The following SLC26A8 variants were observed in gnomAD, a reference collection of about 807,000 sequenced individuals.
The protein encoded by SLC26A8 is testis anion transporter 1.
A neutral mutation model predicts 105.0 loss-of-function variants in SLC26A8; 70 were observed. The observed-to-expected ratio is 0.67, with a 90% CI of 0.55 to 0.81. The LOEUF (loss-of-function observed/expected upper bound fraction) is 0.81. Among genes scored for constraint, SLC26A8 ranks in the 40% least tolerant of loss-of-function variants. The pLI, the probability that SLC26A8 is intolerant of heterozygous loss-of-function variation, is 0.00. For synonymous variants in SLC26A8, 415 were observed against 438.3 expected (o/e 0.95, Z 0.66); for missense variants, 998 against 1,181.8 (o/e 0.84, Z 2.28).
chr6:35,988,610 G>A (rs995730550), intron 7 of SLC26A8, among the ~76,000 whole-genome samples: 18 of 152,004 alleles, frequency 1.2e-4, no homozygotes, highest in African/African-American at 4.3e-4. Context: ...ACTCCAGACT[G>A]GGTGACAGAG....
intron 19 of SLC26A8, among the ~76,000 whole-genome samples, chr6:35,946,772 C>T (rs1273805217): frequency 1.3e-5 from 2 of 152,116 alleles, no homozygotes; most frequent in African/African-American, 4.8e-5. Flanking sequence ...ACTGTGACCT[C>T]AAACTACTGG....
intron 16 of SLC26A8, among the ~76,000 whole-genome samples, chr6:35,958,876 T>C (rs1772199422): frequency 6.6e-6 from 1 of 152,154 alleles, no homozygotes; most frequent in African/African-American, 2.4e-5. Context: ...CAAGTCCAGT[T>C]TGGAAATAAT....
chr6:36,009,318 T>A (rs1181503362), intron 3 of SLC26A8, among the ~76,000 whole-genome samples: 1 of 151,948 alleles, frequency 6.6e-6, no homozygotes, highest in East Asian at 1.9e-4. Flanking sequence ...GCCACTGTAC[T>A]CCAGCCTGGG....
At chr6:35,968,692 C>T (rs1455911232) in intron 11 of SLC26A8, among the ~76,000 whole-genome samples, 185 bp downstream of exon 11, 1 of 128,486 alleles carries the variant, frequency 7.8e-6, no homozygotes, top group African/African-American at 2.9e-5. Flanking sequence ...GATCCAGATA[C>T]TATTATCTTG....
At chr6:35,964,848 T>A (rs187041463) in intron 11 of SLC26A8, among the ~76,000 whole-genome samples, 14 of 151,200 alleles carry the variant, frequency 9.3e-5, no homozygotes, top group African/African-American at 3.2e-4. Flanking sequence ...GCACCTGTAA[T>A]CCCAGCTACT....
Position 35,955,323 on chromosome 6 carries a change from A to G in SLC26A8, c.2061T>C (p.Asn687=), listed in dbSNP as rs764596725. The change falls in exon 17 of 20, where the codon AAT becomes AAC. Residue 687 remains asparagine (N), a synonymous_variant. Transcript: ENST00000490799. ...CTGGTGAGCTGTTTCTTGATGAGTT[A>G]TTAGGAAGCCAAACTTCCTCCACCT... ...YEEVEEVWLP[N]NSSRNSSPGL... 7 of 1,614,154 alleles carry G rather than the reference A, an allele frequency of 4.3e-6. No individual in the cohort carries two copies. Among genetic ancestry groups the G allele is most frequent in the South Asian group, 2.2e-5 (2 of 91,078 alleles).
intron 7 of SLC26A8, among the ~76,000 whole-genome samples, chr6:35,986,477 C>A (rs936047176): frequency 4.5e-4 from 68 of 152,194 alleles, no homozygotes; most frequent in African/African-American, 1.4e-3. Flanking sequence ...AATTTTGTAT[C>A]CTTTGGCCAA....
intron 19 of SLC26A8, among the ~76,000 whole-genome samples, chr6:35,950,537 G>A (rs1291794072): frequency 6.6e-6 from 1 of 151,778 alleles, no homozygotes; most frequent in African/African-American, 2.4e-5. Context: ...TACCTGCCTC[G>A]GCCTCCCAAG....
Position 35,977,128 on chromosome 6 carries a change from T to C in SLC26A8, c.1173+76A>G, listed in dbSNP as rs112107888. On this transcript the variant is annotated intron_variant, in intron 9 of 19. Transcript: ENST00000490799. ...AAGTGGCTCTTCAGTTAAAAAAGAC[T>C]CCTGCTTCATGTTGGCAGGAGGCTT... 2.0e-4 allele frequency: 307 copies of C among 1,501,422 alleles called. 1 individual carries two copies. The African/African-American group carries it at 4.1e-3, about 20-fold the overall frequency. The allele number at this position is 1,501,422 out of a possible 1,614,324, so 93.0% of individuals were successfully genotyped here.
intron 3 of SLC26A8, among the ~76,000 whole-genome samples, chr6:36,009,122 G>T (rs1483433697): frequency 6.6e-6 from 1 of 152,152 alleles, no homozygotes; most frequent in Non-Finnish European, 1.5e-5. Context: ...GGAGGCCAAG[G>T]TGGGTGGTCA....
At chr6:36,016,055 G>A (rs1174239850) in intron 2 of SLC26A8, among the ~76,000 whole-genome samples, 1 of 151,630 alleles carries the variant, frequency 6.6e-6, no homozygotes, top group African/African-American at 2.4e-5. Context: ...GTGCAGTGGC[G>A]TGATCTCGGC....
intron 6 of SLC26A8, 150 bp from the exon 7 acceptor site, chr6:35,991,958 G>T: frequency 1.4e-6 from 1 of 716,660 alleles, no homozygotes; most frequent in Non-Finnish European, 2.0e-6. Context: ...AACAGTGAGG[G>T]CAAGCATGGT....
Position 35,951,306 on chromosome 6 carries a change from C to T in SLC26A8, c.2329G>A (p.Ala777Thr), listed in dbSNP as rs531138938. The T allele has an allele frequency of 1.2e-5, 20 of 1,614,058 alleles. No homozygotes were observed. The highest frequency in any genetic ancestry group is 4.5e-5 in the East Asian group (2 of 44,878). Residue 777 changes from alanine (A) to threonine (T), a missense_variant, in exon 19 of 20, where the codon GCT becomes ACT. Ala to Thr is a moderately conservative substitution (Grantham distance 58, BLOSUM62 0). Transcript: ENST00000490799. Reference protein sequence around the residue: ...RAFERNDFFDAGITKTQLFLS... With the variant: ...RAFERNDFFDTGITKTQLFLS... ...AACAGCTGGGTCTTGGTGATGCCAG[C>T]GTCAAAGAAATCATTCCTCTCAAAT...
intron 18 of SLC26A8, 42 bp from the exon 19 acceptor site, chr6:35,951,389 G>A (rs1771867461): frequency 6.2e-7 from 1 of 1,614,024 alleles, no homozygotes; most frequent in Non-Finnish European, 8.5e-7. Flanking sequence ...CAGATACTTG[G>A]GGAGCAGAGG....
At position 35,995,571 on chromosome 6, in the gene SLC26A8, T is replaced by C. The variant is rs545091973; in HGVS notation, c.627+2167A>G. On this transcript the variant is annotated intron_variant, in intron 5 of 19. Transcript: ENST00000490799. ...GAATCCCAGTTTGGTGTCTTAGCTA[T>C]GTGACCTTGGGCAATTTTCTTAACC... is the stretch of plus-strand genomic sequence containing the variant. Among the ~76,000 whole-genome samples the C allele has an allele frequency of 4.5e-4, 68 of 152,338 alleles. 1 individual carries two copies. In the South Asian group the frequency reaches 0.012, roughly 27 times the overall value.
At chr6:35,959,617 A>G in intron 15 of SLC26A8, 26 bp from the exon 16 acceptor site, 2 of 1,609,866 alleles carry the variant, frequency 1.2e-6, no homozygotes, top group Non-Finnish European at 1.7e-6. Context: ...GGTCTCATCC[A>G]GAGGAAGAAT....
chr6:36,015,070 G>T (rs544756213), intron 2 of SLC26A8, among the ~76,000 whole-genome samples: 1 of 149,492 alleles, frequency 6.7e-6, no homozygotes, highest in African/African-American at 2.5e-5. Flanking sequence ...AGCAGGACTA[G>T]TATTCAAAAT....
intron 3 of SLC26A8, among the ~76,000 whole-genome samples, chr6:36,011,564 T>C (rs1197895295): frequency 6.6e-6 from 1 of 152,208 alleles, no homozygotes; most frequent in East Asian, 1.9e-4. Context: ...GGATTGCTTG[T>C]CACTTGCTGG....
chr6:35,992,768 A>G (rs1761212514), intron 5 of SLC26A8, 94 bp from the exon 6 acceptor site: 2 of 1,329,378 alleles, frequency 1.5e-6, no homozygotes, highest in South Asian at 1.5e-5. Context: ...TTTCCAATAG[A>G]AAAGTTAAGA....
Sources: gnomAD v4.1 joint callset for allele counts (sites outside exome capture counted in the v4.1 genomes callset) on GRCh38, gnomAD v4.1.1 for gene constraint, MANE v1.5 for transcripts, NCBI Gene and HGNC (gene_info 2026-07-23, HGNC 2026-07-21) for gene names.